AKT3: variants seen among roughly 807,000 people sequenced by gnomAD.
AKT3 encodes the protein RAC-gamma serine/threonine-protein kinase.
AKT3 carries 15 observed loss-of-function variants against 65.3 expected under a neutral mutation model. The ratio of observed to expected loss-of-function variants is 0.23; its 90% CI spans 0.15 to 0.35. AKT3 has a LOEUF of 0.35. AKT3 is among the 10% of genes least tolerant of loss of function. AKT3 has a pLI of 1.00. For synonymous variants in AKT3, 206 were observed against 183.8 expected (o/e 1.12, Z -0.98); for missense variants, 243 against 576.5 (o/e 0.42, Z 5.92).
rs969227475 is a variant in AKT3, at chr1:243,631,614, A to C, written c.561+5997T>G. 3.3e-5 allele frequency among the ~76,000 whole-genome samples: 5 copies of C among 152,198 alleles called. No individual in the cohort carries two copies. The East Asian group carries it at 9.6e-4, about 29-fold the overall frequency. On this transcript the variant is annotated intron_variant, in intron 6 of 13. Coordinates refer to ENST00000673466, the MANE Select transcript of AKT3 (RefSeq NM_005465.7). ...TGGCAATTTCTTAAAATGAGAAAAC[A>C]ATGAAGTTTCCCATATTGACTTTCT...
chr1:243,847,824 C>G (rs560211232), intron 1 of AKT3, among the ~76,000 whole-genome samples: 1 of 152,074 alleles, frequency 6.6e-6, no homozygotes. Context: ...TATTTTACAG[C>G]TATGAAATTA....
chr1:243,839,658 C>A (rs1695114860), intron 2 of AKT3, among the ~76,000 whole-genome samples: 3 of 151,998 alleles, frequency 2.0e-5, no homozygotes, highest in Admixed American at 2.0e-4. Flanking sequence ...TATCTTTCAG[C>A]CCTTTTTTTA....
intron 6 of AKT3, among the ~76,000 whole-genome samples, chr1:243,622,498 G>A (rs753056401): frequency 6.6e-6 from 1 of 152,168 alleles, no homozygotes; most frequent in East Asian, 1.9e-4. Context: ...CAAAGGAGAG[G>A]AGTTTGTCAG....
intron 2 of AKT3, among the ~76,000 whole-genome samples, chr1:243,833,013 A>G (rs1186209257): frequency 1.3e-5 from 2 of 152,112 alleles, no homozygotes; most frequent in Admixed American, 6.6e-5. Context: ...TAAATCCAGC[A>G]CTTTGGGAGG....
intron 2 of AKT3, among the ~76,000 whole-genome samples, chr1:243,827,162 C>T (rs1694222086): frequency 1.3e-5 from 2 of 152,060 alleles, no homozygotes; most frequent in South Asian, 4.1e-4. Flanking sequence ...AAACTGGAAT[C>T]CTGTAGGATG....
At chr1:243,651,356 T>C (rs1681307626) in intron 4 of AKT3, among the ~76,000 whole-genome samples, 1 of 152,224 alleles carries the variant, frequency 6.6e-6, no homozygotes, top group Non-Finnish European at 1.5e-5. Flanking sequence ...CAATTTGACT[T>C]CCTCTCTTCC....
chr1:243,693,806 A>G (rs189702673), intron 3 of AKT3, among the ~76,000 whole-genome samples: 1 of 152,152 alleles, frequency 6.6e-6, no homozygotes, highest in African/African-American at 2.4e-5. Flanking sequence ...ATTTCTAAAA[A>G]TTTATTTAGA....
chr1:243,827,688 T>C (rs1016873076), intron 2 of AKT3, among the ~76,000 whole-genome samples: 2 of 152,184 alleles, frequency 1.3e-5, no homozygotes, highest in African/African-American at 4.8e-5. Flanking sequence ...AAAAAATGTA[T>C]GTACGTACTT....
At chr1:243,566,977 T>A (rs1335759793) in intron 9 of AKT3, among the ~76,000 whole-genome samples, 3 of 152,180 alleles carry the variant, frequency 2.0e-5, no homozygotes, top group Non-Finnish European at 4.4e-5. Context: ...TGCAATAATT[T>A]ATTTTAAGTA....
intron 4 of AKT3, among the ~76,000 whole-genome samples, chr1:243,655,728 A>G (rs1681726151): frequency 6.6e-6 from 1 of 152,184 alleles, no homozygotes; most frequent in African/African-American, 2.4e-5. Context: ...TACAGGGTAC[A>G]GTCCTTTAAG....
At chr1:243,641,319 C>T (rs1043027945) in intron 5 of AKT3, among the ~76,000 whole-genome samples, 15 of 146,130 alleles carry the variant, frequency 1.0e-4, no homozygotes, top group East Asian at 9.8e-4. Context: ...TATATACACA[C>T]ATATATATAT....
intron 9 of AKT3, among the ~76,000 whole-genome samples, chr1:243,567,900 G>A (rs1343585271): frequency 6.6e-6 from 1 of 152,082 alleles, no homozygotes; most frequent in African/African-American, 2.4e-5. Context: ...CCATTAGTAG[G>A]GTGATTCGTA....
At chr1:243,649,355 G>A (rs1025023620) in intron 4 of AKT3, among the ~76,000 whole-genome samples, 14 of 112,994 alleles carry the variant, frequency 1.2e-4, no homozygotes, top group Admixed American at 2.9e-4. Context: ...GTGTGTGTGT[G>A]TGTATGTTGG....
At position 243,566,551 on chromosome 1, in the gene AKT3, T is replaced by G. The variant is rs563599615; in HGVS notation, c.820-2703A>C. ...TAAGGGTCATGGCCATGGGGACTGG[T>G]AGCATACTGCCTGGGAGGCAGTAGA... is the stretch of plus-strand genomic sequence containing the variant. On this transcript the variant is annotated intron_variant, in intron 9 of 13. Coordinates refer to ENST00000673466, the MANE Select transcript of AKT3 (RefSeq NM_005465.7). Among the ~76,000 whole-genome samples, 198 of 152,300 alleles carry G rather than the reference T, an allele frequency of 1.3e-3. 1 individual carries two copies. The highest frequency in any genetic ancestry group is 4.6e-3 in the African/African-American group (193 of 41,562).
intron 2 of AKT3, among the ~76,000 whole-genome samples, chr1:243,756,258 G>C (rs541949958): frequency 6.6e-6 from 1 of 152,112 alleles, no homozygotes; most frequent in Non-Finnish European, 1.5e-5. Context: ...ACTCAATACA[G>C]GGAACACAAT....
intron 2 of AKT3, among the ~76,000 whole-genome samples, chr1:243,794,921 T>C (rs1317717527): frequency 6.6e-6 from 1 of 152,236 alleles, no homozygotes; most frequent in African/African-American, 2.4e-5. Flanking sequence ...TTCCAATATT[T>C]AGTTGACGTT....
At chr1:243,587,885 T>A (rs1675922348) in intron 8 of AKT3, among the ~76,000 whole-genome samples, 1 of 152,156 alleles carries the variant, frequency 6.6e-6, no homozygotes, top group South Asian at 2.1e-4. Context: ...CTTACCCAAC[T>A]GCCCTAAACA....
intron 5 of AKT3, among the ~76,000 whole-genome samples, chr1:243,643,985 G>A (rs1238363891): frequency 6.6e-5 from 10 of 152,134 alleles, no homozygotes; most frequent in Non-Finnish European, 1.0e-4. Flanking sequence ...GACCGTTATG[G>A]AGTTAGTAGT....
intron 2 of AKT3, among the ~76,000 whole-genome samples, chr1:243,736,923 C>A (rs77474265): frequency 6.6e-6 from 1 of 152,290 alleles, no homozygotes; most frequent in Non-Finnish European, 1.5e-5. Context: ...AATGAACCGT[C>A]ACACACAAAT....
Sources: allele counts gnomAD v4.1 joint callset (sites outside exome capture counted in the v4.1 genomes callset), GRCh38; gene constraint gnomAD v4.1.1; transcripts MANE v1.5; gene names NCBI Gene and HGNC (gene_info 2026-07-23, HGNC 2026-07-21).